Variants in RABGAP1L observed in about 807,000 individuals in gnomAD.
The protein encoded by RABGAP1L is RAB GTPase activating protein 1 like, also known as rab GTPase-activating protein 1-like.
Under a neutral mutation model 137.7 loss-of-function variants are expected in RABGAP1L, and 63 were observed. That is an observed-to-expected ratio of 0.46 (90% CI 0.37 to 0.56). RABGAP1L has a LOEUF of 0.56. Ranked by LOEUF, RABGAP1L falls within the 20% of genes least tolerant of loss-of-function variation. The pLI is 0.00. For synonymous variants in RABGAP1L, 431 were observed against 433.7 expected, an observed-to-expected ratio of 0.99 and a Z score of 0.08; for missense variants, 1,095 against 1,244.0, an observed-to-expected ratio of 0.88 and a Z score of 1.80.
intron 15 of RABGAP1L, among the ~76,000 whole-genome samples, chr1:174,698,087 G>T (rs1452246501): frequency 1.3e-5 from 2 of 152,172 alleles, no homozygotes; most frequent in Non-Finnish European, 2.9e-5. Flanking sequence ...TTCACTTGCT[G>T]AAGTATGAAG....
At chr1:174,674,686 T>C (rs536320067) in intron 14 of RABGAP1L, among the ~76,000 whole-genome samples, 24 of 151,208 alleles carry the variant, frequency 1.6e-4, no homozygotes, top group Admixed American at 1.4e-3. Flanking sequence ...ATGGTTGAAC[T>C]AGTTTACAGT....
intron 13 of RABGAP1L, among the ~76,000 whole-genome samples, chr1:174,598,218 C>T (rs1670121024): frequency 1.3e-5 from 2 of 151,024 alleles, no homozygotes; most frequent in Non-Finnish European, 2.9e-5. Context: ...GTCCCAGCTA[C>T]TTGGGAGGCT....
At chr1:174,907,275 C>T (rs1255171783) in intron 19 of RABGAP1L, among the ~76,000 whole-genome samples, 1 of 151,790 alleles carries the variant, frequency 6.6e-6, no homozygotes, top group Non-Finnish European at 1.5e-5. Flanking sequence ...TTTTATTTTG[C>T]CTGTTTCTGT....
chr1:174,814,127 C>G (rs1373719739), intron 19 of RABGAP1L, among the ~76,000 whole-genome samples: 1 of 151,926 alleles, frequency 6.6e-6, no homozygotes, highest in Non-Finnish European at 1.5e-5. Context: ...AACATGGGAT[C>G]TGAGAGATGG....
intron 11 of RABGAP1L, among the ~76,000 whole-genome samples, chr1:174,328,018 TATATATAC>T (rs1680701009): frequency 8.5e-6 from 1 of 117,050 alleles, no homozygotes; most frequent in South Asian, 2.6e-4. Flanking sequence ...TATATATATA[TATATATAC>T]CCAACATCAG....
intron 13 of RABGAP1L, among the ~76,000 whole-genome samples, chr1:174,630,781 C>CT (rs1400364202): frequency 6.9e-6 from 1 of 145,498 alleles, no homozygotes; most frequent in Non-Finnish European, 1.5e-5. Flanking sequence ...ATTCTTCTCT[C>CT]TTTTTTTCTT....
intron 18 of RABGAP1L, among the ~76,000 whole-genome samples, chr1:174,753,302 A>G (rs2148679737): frequency 6.6e-6 from 1 of 152,340 alleles, no homozygotes; most frequent in South Asian, 2.1e-4. Flanking sequence ...TAGATCCCTT[A>G]TCATTCTTCT....
chr1:174,176,748 G>GAAAAAA (rs1665924039), intron 1 of RABGAP1L, among the ~76,000 whole-genome samples: 1 of 51,060 alleles, frequency 2.0e-5, no homozygotes, highest in Admixed American at 2.1e-4. Flanking sequence ...AAAAAAAAAG[G>GAAAAAA]TCAACATTTG....
chr1:174,180,972 CTT>C (rs1666302606), intron 1 of RABGAP1L, among the ~76,000 whole-genome samples: 1 of 152,146 alleles, frequency 6.6e-6, no homozygotes, highest in Non-Finnish European at 1.5e-5. Flanking sequence ...GGGCACTTCT[CTT>C]ACATTTAATT....
At chr1:174,220,070 TTTAGATACCTGTATTTTAGCATTA>T (rs1669636947) in intron 2 of RABGAP1L, among the ~76,000 whole-genome samples, 1 of 152,196 alleles carries the variant, frequency 6.6e-6, no homozygotes, top group South Asian at 2.1e-4. Flanking sequence ...TGGCTTTATT[TTTAGATACCTGTATTTTAGCATTA>T]TTGTGTTTAA....
intron 10 of RABGAP1L, among the ~76,000 whole-genome samples, chr1:174,279,422 T>G (rs1294685082): frequency 6.6e-6 from 1 of 152,184 alleles, no homozygotes; most frequent in East Asian, 1.9e-4. Context: ...TCTATTAGAA[T>G]AATGAACATC....
In RABGAP1L at chr1:174,589,642, G is replaced by A. The variant is rs147164301; in HGVS notation, c.1711-47733G>A. Among the ~76,000 whole-genome samples, 572 of 152,140 alleles carry A rather than the reference G, an allele frequency of 3.8e-3. 5 individuals carry two copies. The highest frequency in any genetic ancestry group is 0.012 in the African/African-American group (489 of 41,526). Reference sequence around the variant, plus strand: ...CTTTTACTTGATTTTTATATATGTCGAGAGAAAGGGGTCTAGTTTCATTCT... The same window carrying A: ...CTTTTACTTGATTTTTATATATGTCAAGAGAAAGGGGTCTAGTTTCATTCT... On this transcript the variant is annotated intron_variant, in intron 13 of 25. Coordinates refer to ENST00000681986, the MANE Select transcript of RABGAP1L (RefSeq NM_001366446.1).
chr1:174,590,508 AC>A (rs1374778964), intron 13 of RABGAP1L, among the ~76,000 whole-genome samples: 1 of 86,700 alleles, frequency 1.2e-5, no homozygotes, highest in East Asian at 3.3e-4. Context: ...CCCTCCCCCG[AC>A]CCCACCACAG....
chr1:174,784,233 A>G (rs1231094806), intron 18 of RABGAP1L, among the ~76,000 whole-genome samples: 3 of 151,680 alleles, frequency 2.0e-5, no homozygotes, highest in Non-Finnish European at 4.4e-5. Context: ...GTTAGCCAGG[A>G]TGGTCTTGAT....
At chr1:174,809,839 G>C (rs1304388560) in intron 18 of RABGAP1L, among the ~76,000 whole-genome samples, 1 of 152,212 alleles carries the variant, frequency 6.6e-6, no homozygotes, top group Non-Finnish European at 1.5e-5. Context: ...TAATTCAGCC[G>C]TTGATATTTT....
chr1:174,309,738 T>C lies in RABGAP1L; in HGVS notation c.1465+4611T>C, dbSNP rs551547681. On this transcript the variant is annotated intron_variant, in intron 11 of 25. Transcript: ENST00000681986. The stretch of plus-strand genomic sequence containing the variant: ...ATGATGAATAATCTTTTTAATGTGC[T>C]GTTGTGTTTGGTATTCTAGTGTTCT... Among the ~76,000 whole-genome samples, 55 of 152,280 alleles carry C rather than the reference T, an allele frequency of 3.6e-4. No individual in the cohort carries two copies. The South Asian group carries it at 6.4e-3, about 18-fold the overall frequency.
At chr1:174,704,118 C>T (rs1558000530) in intron 17 of RABGAP1L, among the ~76,000 whole-genome samples, 1 of 152,224 alleles carries the variant, frequency 6.6e-6, no homozygotes, top group Non-Finnish European at 1.5e-5. Flanking sequence ...CTGCCTCGGC[C>T]TCCCAGGTAG....
intron 21 of RABGAP1L, among the ~76,000 whole-genome samples, chr1:174,970,600 A>G (rs1197260481): frequency 1.3e-5 from 2 of 152,312 alleles, no homozygotes; most frequent in Middle Eastern, 3.4e-3. Context: ...AAATAAAGCA[A>G]TTTATAAACA....
chr1:174,880,265 G>A (rs1418059747), intron 19 of RABGAP1L, among the ~76,000 whole-genome samples: 4 of 151,892 alleles, frequency 2.6e-5, no homozygotes, highest in African/African-American at 7.2e-5. Context: ...GATAATCCAC[G>A]GTTGTAGATA....
Sources: allele counts gnomAD v4.1 joint callset (sites outside exome capture counted in the v4.1 genomes callset), GRCh38; gene constraint gnomAD v4.1.1; transcripts MANE v1.5; gene names NCBI Gene and HGNC (gene_info 2026-07-23, HGNC 2026-07-21).